Variants in SLC6A18 observed in about 807,000 individuals in gnomAD.
SLC6A18 encodes the protein inactive sodium-dependent neutral amino acid transporter B(0)AT3.
In SLC6A18, 58 loss-of-function variants were observed where a neutral mutation model predicts 62.9. The ratio of observed to expected loss-of-function variants is 0.92; its 90% CI spans 0.75 to 1.15. The LOEUF is 1.15. Among genes scored for constraint, SLC6A18 ranks in the 50% most tolerant of loss-of-function variants. The pLI is 0.00. For missense variants in SLC6A18, 793 were observed against 836.6 expected (o/e 0.95, Z 0.64); for synonymous variants, 382 against 365.8 (o/e 1.04, Z -0.51).
At position 1,246,126 on chromosome 5, in the gene SLC6A18, G is replaced by A; in HGVS notation, c.*48G>A. 2 of 1,510,514 alleles carry A rather than the reference G, an allele frequency of 1.3e-6. No homozygotes were observed. The highest frequency in any genetic ancestry group is 1.3e-5 in the South Asian group (1 of 79,858). The allele number at this position is 1,510,514 out of a possible 1,614,324, so 93.6% of individuals were successfully genotyped here. A position where few individuals can be genotyped will look rare whatever the true frequency, so the allele number is the denominator to read the frequency against. ...ATGGGCGGGTCTGTGGGGGGGCTTG[G>A]CCTGATGGTGGGCGGGGCCCCGCCC... is the stretch of plus-strand genomic sequence containing the variant. On this transcript the variant is annotated 3_prime_UTR_variant, in exon 12 of 12. Transcript: ENST00000324642.
chr5:1,225,467 A>G lies in SLC6A18; in HGVS notation c.-11A>G. 1.2e-6 allele frequency: 2 copies of G among 1,608,702 alleles called. No homozygotes were observed. ...CCACCCTTGCCCTGAAGCCTGGGGC[A>G]CTCAGTCACCATGGCTCATGCCCCA... On this transcript the variant is annotated 5_prime_UTR_variant, in exon 1 of 12. Transcript: ENST00000324642.
intron 2 of SLC6A18, among the ~76,000 whole-genome samples, 185 bp downstream of exon 2, chr5:1,232,544 A>T (rs1048367036): frequency 6.6e-6 from 1 of 152,130 alleles, no homozygotes; most frequent in African/African-American, 2.4e-5. Context: ...AGAATTAGAG[A>T]TGGAGAACAT....
intron 1 of SLC6A18, among the ~76,000 whole-genome samples, chr5:1,231,127 C>T (rs977813043): frequency 1.3e-5 from 2 of 152,164 alleles, no homozygotes; most frequent in Non-Finnish European, 2.9e-5. Flanking sequence ...GCCGCTGGGG[C>T]CAGGAGGGTC....
intron 7 of SLC6A18, 69 bp from the exon 8 acceptor site, chr5:1,242,634 CACCA>C (rs1268490688): frequency 6.5e-7 from 1 of 1,533,452 alleles, no homozygotes; most frequent in East Asian, 2.3e-5. Context: ...TGCTTCGCAG[CACCA>C]ACCAAGGGTT....
intron 10 of SLC6A18, 109 bp from the exon 11 acceptor site, chr5:1,244,499 C>A: frequency 6.5e-7 from 1 of 1,545,838 alleles, no homozygotes; most frequent in South Asian, 1.2e-5. Flanking sequence ...GGGGAGCTGC[C>A]GAGGCACCAG....
chr5:1,228,276 G>C (rs894050653), intron 1 of SLC6A18, among the ~76,000 whole-genome samples: 2 of 152,102 alleles, frequency 1.3e-5, no homozygotes, highest in African/African-American at 4.8e-5. Context: ...CGGCCTTCAC[G>C]CCTTGGAGGC....
intron 5 of SLC6A18, 110 bp from the exon 6 acceptor site, chr5:1,239,340 C>T (rs979750564): frequency 1.3e-6 from 1 of 764,916 alleles, no homozygotes; most frequent in East Asian, 2.5e-5. Context: ...ACAGGTCACA[C>T]TTGCTCACGA....
At chr5:1,239,185 A>G (rs1274707017) in intron 5 of SLC6A18, among the ~76,000 whole-genome samples, 2 of 152,096 alleles carry the variant, frequency 1.3e-5, no homozygotes, top group Admixed American at 6.5e-5. Context: ...GCCCCAAAAA[A>G]CCTGCCAGCT....
intron 3 of SLC6A18, among the ~76,000 whole-genome samples, chr5:1,233,749 A>AT (rs70957337): frequency 0.026 from 3,623 of 138,704 alleles, 124 homozygotes; most frequent in Non-Finnish European, 0.041. Context: ...CACTCAGCTA[A>AT]TTTTTTTTTT....
intron 11 of SLC6A18, 105 bp downstream of exon 11, chr5:1,244,872 C>T (rs1747178972): frequency 1.6e-5 from 21 of 1,313,886 alleles, no homozygotes; most frequent in Non-Finnish European, 2.0e-5. Flanking sequence ...TGCACATTCA[C>T]GTGCTAGTGA....
chr5:1,239,628 C>A, intron 6 of SLC6A18, 66 bp downstream of exon 6: 9 of 1,208,862 alleles, frequency 7.4e-6, no homozygotes, highest in South Asian at 1.2e-5. Flanking sequence ...ACTTCCTGAT[C>A]TCAGGATCAC....
At chr5:1,227,335 G>A (rs567120587) in intron 1 of SLC6A18, among the ~76,000 whole-genome samples, 7 of 152,380 alleles carry the variant, frequency 4.6e-5, no homozygotes, top group African/African-American at 7.2e-5. Context: ...AGCCCTGCCC[G>A]CCAGCTGCGC....
rs1746534376 is a variant in SLC6A18, at chr5:1,225,546, C to T, written c.69C>T (p.Asn23=). Residue 23 remains asparagine (N), a synonymous_variant, in exon 1 of 12, where the codon AAC becomes AAT. Coordinates refer to ENST00000324642, the MANE Select transcript of SLC6A18 (RefSeq NM_182632.3). ...DLGDERPKWD[N]KAQYLLSCTG... ...GGGATGAGAGGCCCAAGTGGGACAACAAGGCCCAGTACCTCCTGAGCTGCA... is the reference window on the plus strand; with the variant it reads ...GGGATGAGAGGCCCAAGTGGGACAATAAGGCCCAGTACCTCCTGAGCTGCA... 2.5e-6 allele frequency: 4 copies of T among 1,613,382 alleles called. No homozygotes were observed. The East Asian group carries it at 8.9e-5, about 36-fold the overall frequency.
chr5:1,244,543 C>A, intron 10 of SLC6A18, 65 bp from the exon 11 acceptor site: 1 of 1,551,274 alleles, frequency 6.4e-7, no homozygotes, highest in Non-Finnish European at 8.7e-7. Context: ...AGGGTCCGAT[C>A]CTCGGCTTGG....
chr5:1,239,547 G>A lies in SLC6A18; in HGVS notation c.830G>A (p.Ser277Asn), dbSNP rs756562391. The A allele has an allele frequency of 1.8e-5, 29 of 1,613,928 alleles. 1 individual carries two copies. In the Admixed American group the frequency reaches 4.8e-4, roughly 27 times the overall value. Residue 277 changes from serine to asparagine, a missense_variant, in exon 6 of 12, where the codon AGT becomes AAT. Transcript: ENST00000324642. ...TTCGGAGGACACATCGCTTTTGCAA[G>A]TTACAACTCGCCCAGGTAGGCAGTC... ...LAFGGHIAFASYNSPRNDCQK... is the reference protein window; with the variant it reads ...LAFGGHIAFANYNSPRNDCQK...
rs114331542 is a variant in SLC6A18, at chr5:1,245,989, G to C, written c.1798G>C (p.Asp600His). 1,399 of 1,598,784 alleles carry C rather than the reference G, an allele frequency of 8.8e-4. 5 individuals carry two copies. The African/African-American group carries it at 0.017, about 20-fold the overall frequency. Reference sequence around the variant, plus strand: ...CACCCGGCGGAGGCGGACGTGGAGGGACAGGGACGCGCGCCCAGACACGGA... The same window carrying C: ...CACCCGGCGGAGGCGGACGTGGAGGCACAGGGACGCGCGCCCAGACACGGA... Reference protein sequence around the residue: ...LLTRRRRTWRDRDARPDTDMR... With the variant: ...LLTRRRRTWRHRDARPDTDMR... The change falls in exon 12 of 12, where the codon GAC becomes CAC. Residue 600 changes from aspartate (D) to histidine (H), a missense_variant. Asp to His is a moderately conservative substitution (Grantham distance 81). Transcript: ENST00000324642.
rs541395235 is a variant in SLC6A18 at position 1,228,616 on chromosome 5, C to T, written c.160+2979C>T. Among the ~76,000 whole-genome samples the T allele has an allele frequency of 4.6e-5, 7 of 152,344 alleles. No homozygotes were observed. In the East Asian group the frequency reaches 9.7e-4, roughly 21 times the overall value. Reference sequence around the variant, plus strand: ...TTCCCGTCTTCGGCAGACACCACTGCGTCCTCCATGCTTATGAACGACTGC... The same window carrying T: ...TTCCCGTCTTCGGCAGACACCACTGTGTCCTCCATGCTTATGAACGACTGC... On this transcript the variant is annotated intron_variant, in intron 1 of 11. Transcript: ENST00000324642.
Position 1,241,683 on chromosome 5 carries a change from C to T in SLC6A18, c.974+1024C>T, listed in dbSNP as rs370925734. Among the ~76,000 whole-genome samples, 3 of 152,180 alleles carry T rather than the reference C, an allele frequency of 2.0e-5. No individual in the cohort carries two copies. The highest frequency in any genetic ancestry group is 4.1e-4 in the South Asian group (2 of 4,830). On this transcript the variant is annotated intron_variant, in intron 7 of 11. Coordinates refer to ENST00000324642, the MANE Select transcript of SLC6A18 (RefSeq NM_182632.3). This position sits in a 1 kb window ranked among gnomAD's most constrained non-coding sequence, Gnocchi z 7.8. Reference sequence around the variant, plus strand: ...GGAGGACGGTGATTTATAGGATTTACAGGATGAGCCGGGTCAAGAAGGCAG... The same window carrying T: ...GGAGGACGGTGATTTATAGGATTTATAGGATGAGCCGGGTCAAGAAGGCAG...
intron 1 of SLC6A18, among the ~76,000 whole-genome samples, chr5:1,229,216 G>A (rs951028844): frequency 1.3e-5 from 2 of 151,672 alleles, no homozygotes; most frequent in African/African-American, 2.4e-5. Context: ...CCACGATCTC[G>A]TATTCACAGA....
Sources: gnomAD v4.1 joint callset for allele counts (sites outside exome capture counted in the v4.1 genomes callset) on GRCh38, gnomAD v4.1.1 for gene constraint, Gnocchi (gnomAD v3.1) non-coding constraint, MANE v1.5 for transcripts, NCBI Gene and HGNC (gene_info 2026-07-23, HGNC 2026-07-21) for gene names.